The following FDX2 variants were observed in gnomAD, a reference collection of about 807,000 sequenced individuals.
The protein encoded by FDX2 is ferredoxin 2, also known as ferredoxin-2, mitochondrial.
Under a neutral mutation model 18.5 loss-of-function variants are expected in FDX2, and 13 were observed. The observed-to-expected ratio is 0.70, with a 90% CI of 0.46 to 1.12. FDX2 has a LOEUF of 1.12. Ranked by LOEUF, FDX2 falls within the 50% of genes most tolerant of loss-of-function variation. FDX2 has a pLI of 0.00. For synonymous variants in FDX2, 132 were observed against 106.2 expected (o/e 1.24, Z -1.49); for missense variants, 238 against 250.4 (o/e 0.95, Z 0.34).
chr19:10,315,622 C>T (rs1599294677), intron 2 of FDX2, 83 bp downstream of exon 2: 3 of 1,522,548 alleles, frequency 2.0e-6, no homozygotes, highest in African/African-American at 2.8e-5. Flanking sequence ...GAAGGGGGAC[C>T]TCGAGATGAA....
chr19:10,311,401 G>A (rs59286416), intron 3 of FDX2, among the ~76,000 whole-genome samples: 1 of 141,834 alleles, frequency 7.1e-6, no homozygotes, highest in African/African-American at 2.6e-5. Flanking sequence ...TTAGGATTTT[G>A]TTTTTTTTTT....
chr19:10,315,319 GTT>G (rs56213243), intron 3 of FDX2, 65 bp downstream of exon 3: 2,576 of 596,656 alleles, frequency 4.3e-3, no homozygotes, highest in East Asian at 0.019. Flanking sequence ...TAATTTGTGG[GTT>G]TTTTTTTTTT....
At chr19:10,310,815 G>C (rs758352918) in intron 4 of FDX2, 38 bp downstream of exon 4, 7 of 1,597,056 alleles carry the variant, frequency 4.4e-6, no homozygotes, top group Non-Finnish European at 6.0e-6. Flanking sequence ...GAATGCTCCA[G>C]GGTGAAGCTG....
intron 3 of FDX2, among the ~76,000 whole-genome samples, chr19:10,311,740 G>T (rs968320885): frequency 1.0e-4 from 14 of 137,198 alleles, no homozygotes; most frequent in Non-Finnish European, 1.7e-4. Context: ...GTCTCACTCT[G>T]TTGCCCAGCC....
intron 3 of FDX2, among the ~76,000 whole-genome samples, chr19:10,313,612 A>C (rs1014240750): frequency 3.6e-5 from 5 of 140,368 alleles, no homozygotes; most frequent in African/African-American, 1.4e-4. Context: ...GTTGTCATGA[A>C]GATTCAGTCA....
chr19:10,315,780 A>G, intron 1 of FDX2, 21 bp from the exon 2 acceptor site: 1 of 1,603,728 alleles, frequency 6.2e-7, no homozygotes. Flanking sequence ...CGGTTCGGTG[A>G]GCGGCTGCGC....
In FDX2 at chr19:10,310,579, A is replaced by G. The variant is rs771635338; in HGVS notation, c.468T>C (p.Ile156=). Reference sequence around the variant, plus strand: ...CTCCTTCCAGCTCCGGTGTCAGCACAATCTGGCAGCCCAGCCGCGAGTTCT... The same window carrying G: ...CTCCTTCCAGCTCCGGTGTCAGCACGATCTGGCAGCCCAGCCGCGAGTTCT... Residue 156 remains isoleucine, a synonymous_variant, in exon 5 of 5, where the codon ATT becomes ATC. Coordinates refer to ENST00000393708, the MANE Select transcript of FDX2 (RefSeq NM_001031734.4). 1 of 1,613,982 alleles carries G rather than the reference A, an allele frequency of 6.2e-7. No individual in the cohort carries two copies. The highest frequency in any genetic ancestry group is 2.2e-5 in the East Asian group (1 of 44,892).
chr19:10,310,282 G>T lies in FDX2; in HGVS notation c.*204C>A. The T allele has an allele frequency of 1.6e-6, 1 of 645,092 alleles. No individual in the cohort carries two copies. The highest frequency in any genetic ancestry group is 2.6e-6 in the Non-Finnish European group (1 of 379,248). The allele number at this position is 645,092 out of a possible 1,614,324, so 40.0% of individuals were successfully genotyped here. ...CCTACTCAAACCCTGATTCTCAGGGGCCTGGGGAAGGCCACCCCACTAGGG... is the reference window on the plus strand; with the variant it reads ...CCTACTCAAACCCTGATTCTCAGGGTCCTGGGGAAGGCCACCCCACTAGGG... On this transcript the variant is annotated 3_prime_UTR_variant, in exon 5 of 5. Coordinates refer to ENST00000393708, the MANE Select transcript of FDX2 (RefSeq NM_001031734.4).
Position 10,310,193 on chromosome 19 carries a change from C to A in FDX2, c.*293G>T. The A allele has an allele frequency of 2.3e-6, 1 of 438,934 alleles. No individual in the cohort carries two copies. Among genetic ancestry groups the A allele is most frequent in the Admixed American group, 3.6e-5 (1 of 27,702 alleles). The allele number at this position is 438,934 out of a possible 1,614,324, so 27.2% of individuals were successfully genotyped here. Reference sequence around the variant, plus strand: ...ACCTGTAGACCCCAGATCTGTCCCCCAAGGACACTCAACATGCTGGGGCCT... The same window carrying A: ...ACCTGTAGACCCCAGATCTGTCCCCAAAGGACACTCAACATGCTGGGGCCT... On this transcript the variant is annotated 3_prime_UTR_variant, in exon 5 of 5. Coordinates refer to ENST00000393708, the MANE Select transcript of FDX2 (RefSeq NM_001031734.4).
At position 10,310,605 on chromosome 19, in the gene FDX2, C is replaced by T. The variant is rs373746763; in HGVS notation, c.442G>A (p.Glu148Lys). The T allele has an allele frequency of 5.6e-6, 9 of 1,613,860 alleles. No individual in the cohort carries two copies. In the African/African-American group the frequency reaches 6.7e-5, roughly 12 times the overall value. ...ATCTGGCAGCCCAGCCGCGAGTTCT[C>T]CTGGAGGAGGGGGGCCATGTCTAGC... The change falls in exon 5 of 5, where the codon GAG becomes AAG. Residue 148 changes from glutamate to lysine, a missense_variant. Glu to Lys is a moderately conservative substitution (Grantham distance 56). Transcript: ENST00000393708.
intron 3 of FDX2, among the ~76,000 whole-genome samples, chr19:10,311,571 T>A (rs1368611489): frequency 2.6e-5 from 4 of 150,996 alleles, no homozygotes; most frequent in Non-Finnish European, 5.9e-5. Flanking sequence ...CTAATTTTTT[T>A]ATATTTTTTT....
Position 10,310,254 on chromosome 19 carries a change from A to G in FDX2, c.*232T>C. The G allele has an allele frequency of 1.7e-6, 1 of 582,716 alleles. No homozygotes were observed. Among genetic ancestry groups the G allele is most frequent in the East Asian group, 2.8e-5 (1 of 35,088 alleles). 36.1% of individuals were successfully genotyped at this position (582,716 alleles called of 1,614,324 possible). A position where few individuals can be genotyped will look rare whatever the true frequency, so the allele number is the denominator to read the frequency against. ...TTTATTGCAGCTCCAATATGAGTCC[A>G]CTCCTACTCAAACCCTGATTCTCAG... On this transcript the variant is annotated 3_prime_UTR_variant, in exon 5 of 5. Coordinates refer to ENST00000393708, the MANE Select transcript of FDX2 (RefSeq NM_001031734.4).
In FDX2 at chr19:10,315,489, C is replaced by T; in HGVS notation, c.213G>A (p.Val71=). Reference sequence around the variant, plus strand: ...CTGAGCGGTCTACGAACACCACGTTCACCCTGGGGACAGATGGAAGTGCGA... The same window carrying T: ...CTGAGCGGTCTACGAACACCACGTTTACCCTGGGGACAGATGGAAGTGCGA... Residue 71 remains valine, a synonymous_variant, in exon 3 of 5, where the codon GTG becomes GTA. Coordinates refer to ENST00000393708, the MANE Select transcript of FDX2 (RefSeq NM_001031734.4). 6.2e-7 allele frequency: 1 copy of T among 1,613,690 alleles called. No homozygotes were observed. Among genetic ancestry groups the T allele is most frequent in the Non-Finnish European group, 8.5e-7 (1 of 1,179,860 alleles).
chr19:10,311,357 C>G (rs1184665668), intron 3 of FDX2, among the ~76,000 whole-genome samples: 1 of 151,926 alleles, frequency 6.6e-6, no homozygotes, highest in East Asian at 1.9e-4. Flanking sequence ...CCGGCTGACT[C>G]AGCAGTCAGT....
rs1022205663 is a variant in FDX2 at position 10,310,260 on chromosome 19, A to T, written c.*226T>A. ...GCAGCTCCAATATGAGTCCACTCCT[A>T]CTCAAACCCTGATTCTCAGGGGCCT... On this transcript the variant is annotated 3_prime_UTR_variant, in exon 5 of 5. Coordinates refer to ENST00000393708, the MANE Select transcript of FDX2 (RefSeq NM_001031734.4). The T allele has an allele frequency of 1.0e-5, 6 of 594,090 alleles. No individual in the cohort carries two copies. Among genetic ancestry groups the T allele is most frequent in the African/African-American group, 1.9e-5 (1 of 53,598 alleles). 36.8% of individuals were successfully genotyped at this position (594,090 alleles called of 1,614,324 possible). A position where few individuals can be genotyped will look rare whatever the true frequency, so the allele number is the denominator to read the frequency against.
intron 3 of FDX2, 61 bp downstream of exon 3, chr19:10,315,325 T>C: frequency 2.0e-6 from 2 of 999,234 alleles, no homozygotes; most frequent in Non-Finnish European, 2.8e-6. Flanking sequence ...GTGGGTTTTT[T>C]TTTTTTTTTT....
chr19:10,313,179 C>A (rs1037562460), intron 3 of FDX2, among the ~76,000 whole-genome samples: 3 of 152,110 alleles, frequency 2.0e-5, no homozygotes, highest in African/African-American at 7.2e-5. Context: ...ACATTCCAAT[C>A]CCTGTCCTAG....
In FDX2 at chr19:10,315,713, G is replaced by A. The variant is rs1234246313; in HGVS notation, c.201C>T (p.Pro67=). 3.2e-6 allele frequency: 5 copies of A among 1,551,546 alleles called. No individual in the cohort carries two copies. The highest frequency in any genetic ancestry group is 2.4e-5 in the South Asian group (2 of 84,318). The change falls in exon 2 of 5, where the codon CCC becomes CCT. Residue 67 remains proline, a synonymous_variant. Coordinates refer to ENST00000393708, the MANE Select transcript of FDX2 (RefSeq NM_001031734.4). ...TGGCCCCCTGCACTCACACGTCCCC[G>A]GGCCGCTCCGGGCCGCCCGCGTCCT... is the stretch of plus-strand genomic sequence containing the variant.
chr19:10,313,499 G>A (rs1258031498), intron 3 of FDX2, among the ~76,000 whole-genome samples: 1 of 151,488 alleles, frequency 6.6e-6, no homozygotes, highest in Non-Finnish European at 1.5e-5. Context: ...ACAATGGACT[G>A]GTGAGTCTAG....
Sources: gnomAD v4.1 joint callset for allele counts (sites outside exome capture counted in the v4.1 genomes callset) on GRCh38, gnomAD v4.1.1 for gene constraint, MANE v1.5 for transcripts, NCBI Gene and HGNC (gene_info 2026-07-23, HGNC 2026-07-21) for gene names.